MAPK6: variants seen among roughly 807,000 people sequenced by gnomAD.
MAPK6 encodes ERK-3.
In MAPK6, 19 loss-of-function variants were observed where a neutral mutation model predicts 59.3. That is an observed-to-expected ratio of 0.32 (90% CI 0.22 to 0.47). The LOEUF (loss-of-function observed/expected upper bound fraction) is 0.47, where lower values mean the gene tolerates loss of function less well. Among genes scored for constraint, MAPK6 ranks in the 20% least tolerant of loss-of-function variants. The pLI, the probability that MAPK6 is intolerant of heterozygous loss-of-function variation, is 1.00. For synonymous variants in MAPK6, 316 were observed against 290.3 expected, an observed-to-expected ratio of 1.09 and a Z score of -0.90; for missense variants, 724 against 847.9, an observed-to-expected ratio of 0.85 and a Z score of 1.81.
intron 5 of MAPK6, among the ~76,000 whole-genome samples, chr15:52,063,064 A>G (rs1184581010): frequency 6.6e-6 from 1 of 152,018 alleles, no homozygotes; most frequent in African/African-American, 2.4e-5. Context: ...TCTACCCCCT[A>G]AATAATGGTT....
intron 4 of MAPK6, among the ~76,000 whole-genome samples, chr15:52,060,585 A>T (rs1384276288): frequency 1.3e-5 from 2 of 152,148 alleles, no homozygotes; most frequent in African/African-American, 4.8e-5. Context: ...TTGAAGGTTG[A>T]TATCATAAGG....
At position 52,065,009 on chromosome 15, in the gene MAPK6, GCAGA is replaced by G; in HGVS notation, c.*12_*15del. 1 of 1,585,392 alleles carries G rather than the reference GCAGA, an allele frequency of 6.3e-7. No homozygotes were observed. Among genetic ancestry groups the G allele is most frequent in the East Asian group, 2.3e-5 (1 of 44,324 alleles). ...TGAAACATCTGAACTAAAACACTCA[GCAGA>G]CATTTATCTTTGTATTCTTCATGAA... On this transcript the variant is annotated 3_prime_UTR_variant, in exon 6 of 6. Coordinates refer to ENST00000261845, the MANE Select transcript of MAPK6 (RefSeq NM_002748.4).
intron 1 of MAPK6, among the ~76,000 whole-genome samples, chr15:52,028,840 A>G (rs1185878268): frequency 2.0e-5 from 3 of 152,154 alleles, no homozygotes; most frequent in Non-Finnish European, 4.4e-5. Context: ...TTCTCAGCCT[A>G]CTACAGATTG....
Position 52,047,031 on chromosome 15 carries a change from C to A in MAPK6, c.555+16C>A. On this transcript the variant is annotated intron_variant, in intron 2 of 5. Transcript: ENST00000261845. The stretch of plus-strand genomic sequence containing the variant: ...TTCCCATAAGGTATGTATAGAAAGC[C>A]AGCTGAGACAGATCTTTAAACTGAT... The A allele has an allele frequency of 6.6e-7, 1 of 1,505,620 alleles. No homozygotes were observed. Among genetic ancestry groups the A allele is most frequent in the Non-Finnish European group, 8.9e-7 (1 of 1,128,460 alleles). 93.3% of individuals were successfully genotyped at this position (1,505,620 alleles called of 1,614,324 possible). A position where few individuals can be genotyped will look rare whatever the true frequency, so the allele number is the denominator to read the frequency against.
At chr15:52,016,660 T>C (rs1358334421), upstream of MAPK6, among the ~76,000 whole-genome samples, 2 of 152,000 alleles carry the variant, frequency 1.3e-5, no homozygotes, top group South Asian at 4.1e-4. Context: ...TCTTCAAAAC[T>C]CTCCCCCTCC....
chr15:52,054,587 AC>A (rs1169571681), intron 3 of MAPK6, among the ~76,000 whole-genome samples: 1 of 152,160 alleles, frequency 6.6e-6, no homozygotes. Flanking sequence ...GAAGTGAGTC[AC>A]TAAGTACGCT....
intron 1 of MAPK6, among the ~76,000 whole-genome samples, chr15:52,023,127 AAC>A: frequency 6.7e-6 from 1 of 150,322 alleles, no homozygotes; most frequent in Non-Finnish European, 1.5e-5. Context: ...AAAAAAAAAA[AAC>A]CGAAAAACAA....
intron 4 of MAPK6, among the ~76,000 whole-genome samples, chr15:52,060,125 G>A (rs574959824): frequency 3.0e-4 from 46 of 152,262 alleles, no homozygotes; most frequent in African/African-American, 1.1e-3. Context: ...TGTAGTCCTA[G>A]CTGTTCAGGA....
chr15:52,030,352 C>G (rs1263930530), intron 1 of MAPK6, among the ~76,000 whole-genome samples: 2 of 152,124 alleles, frequency 1.3e-5, no homozygotes, highest in Non-Finnish European at 2.9e-5. Context: ...TCAAACAGTG[C>G]CTGGCACATG....
upstream of MAPK6, among the ~76,000 whole-genome samples, chr15:52,015,534 G>T (rs1298003660): frequency 6.8e-6 from 1 of 146,874 alleles, no homozygotes; most frequent in Non-Finnish European, 1.5e-5. Flanking sequence ...CTGGAGTGCA[G>T]TGGCATGATC....
chr15:51,989,790 G>A (rs964890099), intron 2 of MAPK6, among the ~76,000 whole-genome samples: 4 of 152,092 alleles, frequency 2.6e-5, no homozygotes, highest in African/African-American at 9.7e-5. Context: ...TTTTTGTAGA[G>A]AAAGGGTCTC....
At chr15:51,995,122 G>A (rs1416233110) in intron 2 of MAPK6, among the ~76,000 whole-genome samples, 1 of 152,146 alleles carries the variant, frequency 6.6e-6, no homozygotes, top group Non-Finnish European at 1.5e-5. Context: ...GTGTCTTTGG[G>A]ATCGACACCT....
At position 52,035,308 on chromosome 15, in the gene MAPK6, C is replaced by A. The variant is rs2031200809; in HGVS notation, c.-631-10522C>A. ...TCTTTTCTTCATGGGATTCTCTCTGCTTTTCTGCCTTGCCCTCAGACTTGG... is the reference window on the plus strand; with the variant it reads ...TCTTTTCTTCATGGGATTCTCTCTGATTTTCTGCCTTGCCCTCAGACTTGG... On this transcript the variant is annotated intron_variant, in intron 1 of 5. Coordinates refer to ENST00000261845, the MANE Select transcript of MAPK6 (RefSeq NM_002748.4). Among the ~76,000 whole-genome samples, 7 of 152,320 alleles carry A rather than the reference C, an allele frequency of 4.6e-5. No individual in the cohort carries two copies. In the South Asian group the frequency reaches 1.5e-3, roughly 32 times the overall value.
chr15:52,007,307 C>T (rs2029921792), intron 3 of MAPK6, among the ~76,000 whole-genome samples: 1 of 152,048 alleles, frequency 6.6e-6, no homozygotes, highest in Non-Finnish European at 1.5e-5. Context: ...CCCTGACCCA[C>T]CTTCTTCAGG....
chr15:52,058,835 G>A, intron 4 of MAPK6, 38 bp downstream of exon 4: 1 of 1,547,068 alleles, frequency 6.5e-7, no homozygotes, highest in South Asian at 1.2e-5. Flanking sequence ...GTTAATGCCT[G>A]TGTGTGAGGC....
intron 4 of MAPK6, 21 bp downstream of exon 4, chr15:52,058,818 C>T (rs1242877409): frequency 1.3e-6 from 2 of 1,591,684 alleles, no homozygotes; most frequent in African/African-American, 2.7e-5. Context: ...TCGAGAGTAA[C>T]CCTCACGTTA....
chr15:51,978,633 A>AT (rs1326106527), intron 1 of MAPK6, among the ~76,000 whole-genome samples: 2 of 151,732 alleles, frequency 1.3e-5, no homozygotes, highest in Admixed American at 6.6e-5. Flanking sequence ...AATTTCAGAG[A>AT]TTTTTTGGGG....
chr15:52,020,758 C>G (rs902272561), intron 1 of MAPK6, among the ~76,000 whole-genome samples: 1 of 152,174 alleles, frequency 6.6e-6, no homozygotes, highest in Non-Finnish European at 1.5e-5. Flanking sequence ...GGAACTTTGT[C>G]TTTAGATAGT....
intron 1 of MAPK6, among the ~76,000 whole-genome samples, chr15:51,977,552 T>C (rs1290585640): frequency 6.6e-6 from 1 of 151,548 alleles, no homozygotes; most frequent in African/African-American, 2.4e-5. Context: ...TTTGTTTTGT[T>C]TGAGACAAAG....
Sources: gnomAD v4.1 joint callset for allele counts (sites outside exome capture counted in the v4.1 genomes callset) on GRCh38, gnomAD v4.1.1 for gene constraint, MANE v1.5 for transcripts, NCBI Gene and HGNC (gene_info 2026-07-23, HGNC 2026-07-21) for gene names.